Variants in GABRB1 observed in about 807,000 individuals in gnomAD.
GABRB1 encodes gamma-aminobutyric acid receptor subunit beta-1.
GABRB1 carries 17 observed loss-of-function variants against 51.6 expected under a neutral mutation model. The ratio of observed to expected loss-of-function variants is 0.33; its 90% CI spans 0.23 to 0.49. The LOEUF (loss-of-function observed/expected upper bound fraction) is 0.49. GABRB1 is among the 20% of genes least tolerant of loss of function. The pLI, the probability that GABRB1 is intolerant of heterozygous loss-of-function variation, is 0.99. For synonymous variants in GABRB1, 247 were observed against 218.9 expected (o/e 1.13, Z -1.14); for missense variants, 410 against 600.6 (o/e 0.68, Z 3.32).
At chr4:47,252,144 C>A (rs900360171) in intron 4 of GABRB1, among the ~76,000 whole-genome samples, 6 of 131,440 alleles carry the variant, frequency 4.6e-5, no homozygotes, top group Admixed American at 8.6e-5. Context: ...CCCTGTGGTG[C>A]CAGGCAGGAA....
At chr4:47,334,494 T>G (rs937671778) in intron 5 of GABRB1, among the ~76,000 whole-genome samples, 27 of 152,204 alleles carry the variant, frequency 1.8e-4, no homozygotes, top group African/African-American at 6.5e-4. Flanking sequence ...TTCCTGGCAT[T>G]TCTTATGTGT....
intron 5 of GABRB1, among the ~76,000 whole-genome samples, chr4:47,368,121 A>G (rs969283773): frequency 6.6e-6 from 1 of 152,230 alleles, no homozygotes; most frequent in African/African-American, 2.4e-5. Context: ...ATCCAGAGAC[A>G]TGAAGCCCTT....
intron 5 of GABRB1, among the ~76,000 whole-genome samples, chr4:47,339,115 T>C (rs946987171): frequency 2.0e-5 from 3 of 152,170 alleles, no homozygotes; most frequent in African/African-American, 7.2e-5. Flanking sequence ...TACCTTATTA[T>C]CTATTATAGG....
chr4:47,195,438 A>G (rs1364085373), intron 4 of GABRB1, among the ~76,000 whole-genome samples: 46 of 110,014 alleles, frequency 4.2e-4, no homozygotes, highest in African/African-American at 1.8e-3. Flanking sequence ...ATAGATAGAT[A>G]GATAGATGAT....
At chr4:47,344,891 T>G (rs1272189272) in intron 5 of GABRB1, among the ~76,000 whole-genome samples, 2 of 152,120 alleles carry the variant, frequency 1.3e-5, no homozygotes, top group African/African-American at 4.8e-5. Flanking sequence ...CCCAGCTAAT[T>G]TTTGTATTTT....
Position 47,320,763 on chromosome 4 carries a change from C to CT in GABRB1, c.544+560dup, listed in dbSNP as rs1264288318. ...GCTTTTTCACTGATTGTTTTCTTTTCTTTTTTCTTTTTTTTTTTTTTTTTG... is the reference window on the plus strand; with the variant it reads ...GCTTTTTCACTGATTGTTTTCTTTTCTTTTTTTCTTTTTTTTTTTTTTTTTG... On this transcript the variant is annotated intron_variant, in intron 5 of 8. Transcript: ENST00000295454. 6.0e-3 allele frequency among the ~76,000 whole-genome samples: 676 copies of CT among 113,176 alleles called. 11 individuals carry two copies. The highest frequency in any genetic ancestry group is 0.013 in the East Asian group (52 of 3,936). The allele number at this position is 113,176 out of a possible 152,430, so 74.2% of individuals were successfully genotyped here. A position where few individuals can be genotyped will look rare whatever the true frequency, so the allele number is the denominator to read the frequency against.
intron 4 of GABRB1, among the ~76,000 whole-genome samples, chr4:47,300,122 G>A (rs970931650): frequency 6.6e-6 from 1 of 151,036 alleles, no homozygotes; most frequent in South Asian, 2.1e-4. Flanking sequence ...GATAGCATTA[G>A]GAGATATACC....
chr4:47,334,182 G>T (rs937720497), intron 5 of GABRB1, among the ~76,000 whole-genome samples: 3 of 152,086 alleles, frequency 2.0e-5, no homozygotes, highest in African/African-American at 7.2e-5. Flanking sequence ...TAATGCTGTT[G>T]GTTGATGGAC....
In GABRB1 at chr4:47,138,196, A is replaced by G. The variant is rs569498321; in HGVS notation, c.241-23053A>G. ...ATTTAGGGAAGTAGCAAATTTGCCCATTTAGGCTCATTGTAGATGTCTCAA... is the reference window on the plus strand; with the variant it reads ...ATTTAGGGAAGTAGCAAATTTGCCCGTTTAGGCTCATTGTAGATGTCTCAA... On this transcript the variant is annotated intron_variant, in intron 3 of 8. Transcript: ENST00000295454. 3.4e-4 allele frequency among the ~76,000 whole-genome samples: 51 copies of G among 152,178 alleles called. 1 individual carries two copies. The East Asian group carries it at 9.5e-3, about 28-fold the overall frequency.
At chr4:47,336,333 G>A (rs531597951) in intron 5 of GABRB1, among the ~76,000 whole-genome samples, 3 of 152,160 alleles carry the variant, frequency 2.0e-5, no homozygotes, top group Non-Finnish European at 4.4e-5. Flanking sequence ...TGGTCAAATC[G>A]GTGCTAGAGG....
At chr4:47,306,252 T>C (rs964757224) in intron 4 of GABRB1, among the ~76,000 whole-genome samples, 51 of 83,962 alleles carry the variant, frequency 6.1e-4, no homozygotes, top group African/African-American at 2.3e-3. Flanking sequence ...ATAACACAAT[T>C]GACAAGAAAA....
intron 4 of GABRB1, among the ~76,000 whole-genome samples, chr4:47,201,621 A>G (rs990410425): frequency 2.6e-5 from 4 of 152,140 alleles, no homozygotes; most frequent in African/African-American, 9.7e-5. Flanking sequence ...GAAAGGTGCT[A>G]TTTCTTAATC....
chr4:47,078,276 C>T (rs1024628183), intron 3 of GABRB1, among the ~76,000 whole-genome samples: 17 of 151,950 alleles, frequency 1.1e-4, no homozygotes, highest in East Asian at 3.9e-4. Flanking sequence ...TGAGCCATCG[C>T]GCCCGGCCTA....
intron 3 of GABRB1, among the ~76,000 whole-genome samples, chr4:47,117,554 G>C (rs1715558484): frequency 6.6e-6 from 1 of 152,064 alleles, no homozygotes; most frequent in Admixed American, 6.6e-5. Context: ...CAGGAGCTCA[G>C]GGAAAACAAT....
intron 2 of GABRB1, 116 bp downstream of exon 2, chr4:47,032,121 A>G (rs1725335014): frequency 1.2e-5 from 7 of 592,178 alleles, no homozygotes; most frequent in Non-Finnish European, 2.0e-5. Flanking sequence ...CGTGCACTAT[A>G]CCCTGGGCAC....
chr4:47,403,477 T>G, intron 6 of GABRB1, 22 bp downstream of exon 6: 1 of 1,613,692 alleles, frequency 6.2e-7, no homozygotes, highest in South Asian at 1.1e-5. Flanking sequence ...TCCCCCAAAA[T>G]GTACTAGGGG....
intron 3 of GABRB1, among the ~76,000 whole-genome samples, chr4:47,088,247 A>G (rs573121301): frequency 2.0e-5 from 3 of 152,218 alleles, no homozygotes; most frequent in Non-Finnish European, 4.4e-5. Context: ...CTGGGGACAG[A>G]GATGAGGAAT....
intron 3 of GABRB1, among the ~76,000 whole-genome samples, chr4:47,123,259 A>ATG (rs1003289894): frequency 1.4e-5 from 2 of 143,770 alleles, no homozygotes; most frequent in African/African-American, 5.1e-5. Context: ...ACATATGTGT[A>ATG]TGTGTGTGTG....
At position 47,415,697 on chromosome 4, in the gene GABRB1, G is replaced by A. The variant is rs888825849; in HGVS notation, c.1080+8771G>A. Among the ~76,000 whole-genome samples, 118 of 152,148 alleles carry A rather than the reference G, an allele frequency of 7.8e-4. 11 individuals carry two copies. Among genetic ancestry groups the A allele is most frequent in the South Asian group, 2.1e-4 (1 of 4,820 alleles). ...TAGAATGGAATCAGACAGGTCAAACGAATAGGCATCCACCACAACCTACTA... is the reference window on the plus strand; with the variant it reads ...TAGAATGGAATCAGACAGGTCAAACAAATAGGCATCCACCACAACCTACTA... On this transcript the variant is annotated intron_variant, in intron 8 of 8. Transcript: ENST00000295454.
Sources: allele counts gnomAD v4.1 joint callset (sites outside exome capture counted in the v4.1 genomes callset), GRCh38; gene constraint gnomAD v4.1.1; transcripts MANE v1.5; gene names NCBI Gene and HGNC (gene_info 2026-07-23, HGNC 2026-07-21).